DIAPH2: variants seen among roughly 807,000 people sequenced by gnomAD.
DIAPH2 encodes diaphanous related formin 2.
Under a neutral mutation model 92.7 loss-of-function variants are expected in DIAPH2, and 35 were observed. The observed-to-expected ratio is 0.38, with a 90% CI of 0.29 to 0.50. DIAPH2 has a LOEUF of 0.50. Ranked by LOEUF, DIAPH2 falls within the 20% of genes least tolerant of loss-of-function variation. DIAPH2 has a pLI of 0.94. For synonymous variants in DIAPH2, 301 were observed against 280.4 expected (o/e 1.07, Z -0.73); for missense variants, 701 against 819.5 (o/e 0.86, Z 1.77).
chrX:96,695,559 A>G (rs2063821015), intron 1 of DIAPH2, among the ~76,000 whole-genome samples: 2 of 111,891 alleles, frequency 1.8e-5, no homozygotes, highest in Admixed American at 1.9e-4. Flanking sequence ...AATGGAGCTG[A>G]GGTATTAGTT....
chrX:97,153,029 T>G (rs769513828), intron 22 of DIAPH2, among the ~76,000 whole-genome samples: 1 of 111,780 alleles, frequency 8.9e-6, no homozygotes, highest in Non-Finnish European at 1.9e-5. Context: ...ACCAGCTACT[T>G]TTTTGGACAT....
At chrX:97,096,497 G>T (rs2066870118) in intron 19 of DIAPH2, among the ~76,000 whole-genome samples, 1 of 111,065 alleles carries the variant, frequency 9.0e-6, no homozygotes, top group African/African-American at 3.3e-5. Flanking sequence ...AATTAATTTT[G>T]CCAGCTTCCA....
In DIAPH2 at chrX:97,247,987, A is replaced by T. The variant is rs2068156507; in HGVS notation, c.2844+148A>T. 4 of 523,500 alleles carry T rather than the reference A, an allele frequency of 7.6e-6. No homozygotes were observed. The Admixed American group carries it at 1.9e-4, about 25-fold the overall frequency. The allele number at this position is 523,500 out of a possible 1,213,427, so 43.1% of individuals were successfully genotyped here. A position where few individuals can be genotyped will look rare whatever the true frequency, so the allele number is the denominator to read the frequency against. ...ATGCTGTTTTTCTATTAGTAGCATA[A>T]ATTTTGTTTCATGATGTTTTCAACC... On this transcript the variant is annotated intron_variant, in intron 23 of 26. Coordinates refer to ENST00000324765, the MANE Select transcript of DIAPH2 (RefSeq NM_006729.5).
chrX:97,565,942 C>T (rs1346852338), intron 26 of DIAPH2, among the ~76,000 whole-genome samples: 1 of 112,148 alleles, frequency 8.9e-6, no homozygotes, highest in Non-Finnish European at 1.9e-5. Flanking sequence ...TAGGTATTTA[C>T]TGCAGGGAAA....
chrX:97,305,693 C>G (rs576526012), intron 23 of DIAPH2, among the ~76,000 whole-genome samples: 6 of 106,997 alleles, frequency 5.6e-5, no homozygotes, highest in African/African-American at 2.1e-4. Context: ...CGTGGTGGTG[C>G]GTGCCTGTAA....
At chrX:97,070,714 C>T (rs996179894) in intron 17 of DIAPH2, among the ~76,000 whole-genome samples, 5 of 111,620 alleles carry the variant, frequency 4.5e-5, no homozygotes, top group African/African-American at 1.6e-4. Context: ...AGTGCCCACT[C>T]ATGGAACTCT....
intron 1 of DIAPH2, among the ~76,000 whole-genome samples, chrX:96,689,312 A>G (rs7879855): frequency 0.1 from 10,174 of 101,836 alleles, 502 homozygotes; most frequent in Middle Eastern, 0.15. Flanking sequence ...AGTAGGGGTA[A>G]CCCATTAAAG....
intron 23 of DIAPH2, among the ~76,000 whole-genome samples, chrX:97,264,503 T>C (rs188277065): frequency 8.9e-6 from 1 of 112,361 alleles, no homozygotes; most frequent in East Asian, 2.8e-4. Context: ...CTATTCATTT[T>C]CTTGCTCACA....
At chrX:97,044,014 G>A (rs912561756) in intron 17 of DIAPH2, among the ~76,000 whole-genome samples, 2 of 111,710 alleles carry the variant, frequency 1.8e-5, no homozygotes, top group African/African-American at 6.5e-5. Flanking sequence ...TTTTGACATC[G>A]CTATACAGAA....
chrX:97,163,076 G>A (rs1276588565), intron 22 of DIAPH2, among the ~76,000 whole-genome samples: 1 of 111,363 alleles, frequency 9.0e-6, no homozygotes, highest in African/African-American at 3.3e-5. Context: ...GATGCTCTGG[G>A]TTGTAGAGGT....
intron 4 of DIAPH2, among the ~76,000 whole-genome samples, chrX:96,876,767 TG>T (rs2065182462): frequency 1.3e-5 from 1 of 78,095 alleles, no homozygotes; most frequent in Non-Finnish European, 2.5e-5. Flanking sequence ...TTGTGGGGTT[TG>T]GGGAGGGGGG....
chrX:97,253,293 A>AAAAAAAAATAAAATAAAAT (rs748186406), intron 23 of DIAPH2, among the ~76,000 whole-genome samples: 7 of 91,753 alleles, frequency 7.6e-5, no homozygotes, highest in African/African-American at 2.4e-4. Flanking sequence ...CTCCGTAAAA[A>AAAAAAAAATAAAATAAAAT]AAAATAAAAT....
chrX:96,869,720 A>G (rs1250235526), intron 4 of DIAPH2, among the ~76,000 whole-genome samples: 2 of 110,600 alleles, frequency 1.8e-5, no homozygotes, highest in East Asian at 5.7e-4. Flanking sequence ...CAACTAGGCA[A>G]TTGTTAACGA....
chrX:97,564,692 C>A (rs1213503872), intron 26 of DIAPH2, among the ~76,000 whole-genome samples: 1 of 111,825 alleles, frequency 8.9e-6, no homozygotes, highest in Admixed American at 9.5e-5. Flanking sequence ...TACAAACACT[C>A]AAACCATAGT....
chrX:97,204,327 A>G (rs1228192209), intron 22 of DIAPH2, among the ~76,000 whole-genome samples: 1 of 111,613 alleles, frequency 9.0e-6, no homozygotes, highest in Non-Finnish European at 1.9e-5. Flanking sequence ...GGCCAGGGCA[A>G]TCAGGCAGGA....
intron 21 of DIAPH2, among the ~76,000 whole-genome samples, chrX:97,131,465 C>T (rs759723127): frequency 1.5e-4 from 17 of 111,266 alleles, no homozygotes; most frequent in South Asian, 3.8e-4. Context: ...CCTTTAAATG[C>T]GATTTATTAT....
chrX:97,057,972 AG>A (rs1309738718), intron 17 of DIAPH2, among the ~76,000 whole-genome samples: 2 of 108,844 alleles, frequency 1.8e-5, no homozygotes, highest in Non-Finnish European at 3.8e-5. Context: ...TTTTGTTGTC[AG>A]TAAAAAAAAA....
At chrX:96,873,031 A>T (rs1337284506) in intron 4 of DIAPH2, among the ~76,000 whole-genome samples, 1 of 111,911 alleles carries the variant, frequency 8.9e-6, no homozygotes, top group Admixed American at 9.5e-5. Flanking sequence ...ACTAGTTTAC[A>T]TTCCCACCAA....
intron 4 of DIAPH2, among the ~76,000 whole-genome samples, chrX:96,859,645 ATTTATTTATTTT>A (rs1456757089): frequency 1.9e-5 from 2 of 107,465 alleles, no homozygotes; most frequent in Non-Finnish European, 3.8e-5. Flanking sequence ...TTATTTATTT[ATTTATTTATTTT>A]TTGAGAGGGA....
Sources: gnomAD v4.1 joint callset for allele counts (sites outside exome capture counted in the v4.1 genomes callset) on GRCh38, gnomAD v4.1.1 for gene constraint, MANE v1.5 for transcripts, NCBI Gene and HGNC (gene_info 2026-07-23, HGNC 2026-07-21) for gene names.